The following TBX3 variants were observed in gnomAD, a reference collection of about 807,000 sequenced individuals.
The protein encoded by TBX3 is T-box transcription factor TBX3.
In TBX3, 11 loss-of-function variants were observed where a neutral mutation model predicts 47.8. The ratio of observed to expected loss-of-function variants is 0.23; its 90% CI spans 0.14 to 0.38. TBX3 has a LOEUF of 0.38. Among genes scored for constraint, TBX3 ranks in the 10% least tolerant of loss-of-function variants. The pLI is 1.00. For missense variants in TBX3, 927 were observed against 1,022.8 expected (o/e 0.91, Z 1.28); for synonymous variants, 500 against 449.3 (o/e 1.11, Z -1.43).
rs1370487115 is a variant in TBX3 at position 114,674,349 on chromosome 12, C to G, written c.1526G>C (p.Gly509Ala). Residue 509 changes from glycine to alanine, a missense_variant, in exon 6 of 7, where the codon GGC becomes GCC. By Grantham distance (60) the Gly-to-Ala change is moderately conservative. Transcript: ENST00000349155. ...FLHPSQFAMGGAFSSMAAAGM... is the reference protein window; with the variant it reads ...FLHPSQFAMGAAFSSMAAAGM... The stretch of plus-strand genomic sequence containing the variant: ...AGCGGCCGCCATGCTGGAGAAGGCG[C>G]CCCCCATGGCAAACTGGCTGGGGTG... 2 of 1,557,656 alleles carry G rather than the reference C, an allele frequency of 1.3e-6. No individual in the cohort carries two copies. Among genetic ancestry groups the G allele is most frequent in the East Asian group, 2.4e-5 (1 of 41,454 alleles).
At chr12:114,676,534 TA>T in intron 4 of TBX3, 64 bp from the exon 5 acceptor site, 1 of 1,604,488 alleles carries the variant, frequency 6.2e-7, no homozygotes, top group Non-Finnish European at 8.5e-7. Context: ...TTGTTTCCCT[TA>T]CCCTTTCCAA....
At position 114,684,014 on chromosome 12, in the gene TBX3, G is replaced by T. The variant is rs780135992; in HGVS notation, c.-814C>A. ...GCTTCCTAAATCTGTGTCCAGGCGC[G>T]CAGGGCAGGGAGGATTTAGAGGGGG... On this transcript the variant is annotated 5_prime_UTR_variant, in exon 1 of 7. Coordinates refer to ENST00000349155, the MANE Select transcript of TBX3 (RefSeq NM_005996.4). The T allele has an allele frequency of 4.3e-6, 1 of 230,446 alleles. No individual in the cohort carries two copies. 14.3% of individuals were successfully genotyped at this position (230,446 alleles called of 1,614,324 possible). A position where few individuals can be genotyped will look rare whatever the true frequency, so the allele number is the denominator to read the frequency against.
Position 114,671,885 on chromosome 12 carries a change from C to A in TBX3, c.2128G>T (p.Gly710Cys). Reference protein sequence around the residue: ...ELQSIQRLVSGLEAKPDRSRS... With the variant: ...ELQSIQRLVSCLEAKPDRSRS... ...GACCTGTCCGGCTTGGCTTCCAAGC[C>A]GCTAACCAACCGCTGGATGCTCTGC... is the stretch of plus-strand genomic sequence containing the variant. The change falls in exon 7 of 7, where the codon GGC becomes TGC. Residue 710 changes from glycine to cysteine, a missense_variant. By Grantham distance (159) the Gly-to-Cys change is radical. This residue lies in a region of TBX3 where 623 missense variants were observed against 569.0 expected (regional missense o/e 1.09). Coordinates refer to ENST00000349155, the MANE Select transcript of TBX3 (RefSeq NM_005996.4). The A allele has an allele frequency of 6.4e-7, 1 of 1,571,408 alleles. No homozygotes were observed. The highest frequency in any genetic ancestry group is 8.6e-7 in the Non-Finnish European group (1 of 1,158,778).
intron 1 of TBX3, among the ~76,000 whole-genome samples, chr12:114,681,745 G>A (rs1443569887): frequency 3.3e-5 from 5 of 152,170 alleles, no homozygotes; most frequent in African/African-American, 9.7e-5. Flanking sequence ...CGATCTGCCC[G>A]TGGAGCTGCT....
At chr12:114,674,084 G>T (rs973625347) in intron 6 of TBX3, 81 bp downstream of exon 6, 2 of 1,521,266 alleles carry the variant, frequency 1.3e-6, no homozygotes, top group South Asian at 2.4e-5. Flanking sequence ...CAAAGGGATC[G>T]GGTGAGGGTC....
chr12:114,672,010 G>A lies in TBX3; in HGVS notation c.2003C>T (p.Ser668Leu), dbSNP rs1868456528. Reference protein sequence around the residue: ...AASPASVAVDSGSELNSRSST... With the variant: ...AASPASVAVDLGSELNSRSST... ...GGAGCGGCTGTTGAGTTCAGAGCCC[G>A]AGTCCACTGCCACCGAGGCCGGGCT... is the stretch of plus-strand genomic sequence containing the variant. The change falls in exon 7 of 7, where the codon TCG (serine) becomes TTG (leucine). Residue 668 changes from serine to leucine, a missense_variant. Around this residue, in one of 5 missense-constraint regions of TBX3, gnomAD observed 623 missense variants for 569.0 expected, o/e 1.09. Transcript: ENST00000349155. 2 of 1,597,060 alleles carry A rather than the reference G, an allele frequency of 1.3e-6. No individual in the cohort carries two copies. The highest frequency in any genetic ancestry group is 1.7e-6 in the Non-Finnish European group (2 of 1,172,188).
chr12:114,683,252 G>A lies in TBX3; in HGVS notation c.-52C>T. 6.3e-7 allele frequency: 1 copy of A among 1,593,212 alleles called. No homozygotes were observed. The highest frequency in any genetic ancestry group is 8.6e-7 in the Non-Finnish European group (1 of 1,167,432). On this transcript the variant is annotated 5_prime_UTR_variant, in exon 1 of 7. Transcript: ENST00000349155. This position sits in a 1 kb window ranked among gnomAD's most constrained non-coding sequence, Gnocchi z 7.7. ...AGCCGGGGACAAGTCCGCAGCTGCTGTGTTTTGTTGTTTTTTTGTTGTTGT... is the reference window on the plus strand; with the variant it reads ...AGCCGGGGACAAGTCCGCAGCTGCTATGTTTTGTTGTTTTTTTGTTGTTGT...
intron 3 of TBX3, among the ~76,000 whole-genome samples, chr12:114,677,903 T>TA (rs1265906811): frequency 6.6e-6 from 1 of 152,112 alleles, no homozygotes; most frequent in Admixed American, 6.6e-5. Flanking sequence ...ACAGTTTGGG[T>TA]TTAGACATGG....
intron 2 of TBX3, chr12:114,679,916 A>G: frequency 1.2e-6 from 2 of 1,614,124 alleles, no homozygotes; most frequent in Non-Finnish European, 1.7e-6. Flanking sequence ...AGCCTACCTG[A>G]GTACCAAAAC....
chr12:114,683,109 C>G lies in TBX3; in HGVS notation c.92G>C (p.Ser31Thr), dbSNP rs760649529. 2 of 1,612,502 alleles carry G rather than the reference C, an allele frequency of 1.2e-6. No individual in the cohort carries two copies. The highest frequency in any genetic ancestry group is 1.7e-6 in the Non-Finnish European group (2 of 1,179,524). The change falls in exon 1 of 7, where the codon AGC becomes ACC. Residue 31 changes from serine (S) to threonine (T), a missense_variant. Ser to Thr is a moderately conservative substitution (Grantham distance 58). Transcript: ENST00000349155. This position sits in a 1 kb window ranked among gnomAD's most constrained non-coding sequence, Gnocchi z 7.7. Reference sequence around the variant, plus strand: ...CGGCGGCTGGTGACCCAGCACCGCGCTCATGGCGAAGTCCGGCGCCCGGTG... The same window carrying G: ...CGGCGGCTGGTGACCCAGCACCGCGGTCATGGCGAAGTCCGGCGCCCGGTG... ...LPHRAPDFAM[S>T]AVLGHQPPFF...
At chr12:114,677,342 T>C (rs764676535) in intron 4 of TBX3, among the ~76,000 whole-genome samples, 3 of 152,228 alleles carry the variant, frequency 2.0e-5, no homozygotes, top group Non-Finnish European at 2.9e-5. Flanking sequence ...TTATCCCTGA[T>C]GCTTCTCTTC....
At chr12:114,672,836 C>G (rs550437806) in intron 6 of TBX3, among the ~76,000 whole-genome samples, 1 of 151,920 alleles carries the variant, frequency 6.6e-6, no homozygotes, top group Non-Finnish European at 1.5e-5. Flanking sequence ...AGAAGTTTCT[C>G]CAAACAAAAC....
In TBX3 at chr12:114,672,357, C is replaced by G. The variant is rs1868485742; in HGVS notation, c.1711-55G>C. 7.2e-6 allele frequency: 10 copies of G among 1,396,468 alleles called. No individual in the cohort carries two copies. In the South Asian group the frequency reaches 1.2e-4, roughly 16 times the overall value. 86.5% of individuals were successfully genotyped at this position (1,396,468 alleles called of 1,614,324 possible). The stretch of plus-strand genomic sequence containing the variant: ...TCAGCCGGGTGGGAGGAGCTTATCT[C>G]ATCCCTCTCCTCTCTTCTCCCCCTC... On this transcript the variant is annotated intron_variant, in intron 6 of 6. Transcript: ENST00000349155.
chr12:114,683,319 CAAAA>C lies in TBX3; in HGVS notation c.-123_-120del, dbSNP rs1433234136. ...ATTCAAAAGGGGGGAAAAAGCAAAACAAAAAAGAAAGAAAAAAGAAAAGGAGGCA... is the reference window on the plus strand; with the variant it reads ...ATTCAAAAGGGGGGAAAAAGCAAAACAAGAAAGAAAAAAGAAAAGGAGGCA... On this transcript the variant is annotated 5_prime_UTR_variant, in exon 1 of 7. Transcript: ENST00000349155. The surrounding 1 kb of genome is among the most constrained non-coding windows in gnomAD (Gnocchi z 7.7). The C allele has an allele frequency of 7.3e-6, 10 of 1,365,284 alleles. No individual in the cohort carries two copies. The highest frequency in any genetic ancestry group is 1.5e-5 in the African/African-American group (1 of 68,128). 84.6% of individuals were successfully genotyped at this position (1,365,284 alleles called of 1,614,324 possible). A position where few individuals can be genotyped will look rare whatever the true frequency, so the allele number is the denominator to read the frequency against.
At chr12:114,674,856 A>C (rs1341861249) in intron 5 of TBX3, 21 bp from the exon 6 acceptor site, 8 of 1,556,372 alleles carry the variant, frequency 5.1e-6, no homozygotes, top group Non-Finnish European at 6.9e-6. Flanking sequence ...CGAAGGAAAA[A>C]ACCAAGGCAG....
chr12:114,674,084 G>C, intron 6 of TBX3, 81 bp downstream of exon 6: 14 of 1,521,268 alleles, frequency 9.2e-6, no homozygotes, highest in Admixed American at 2.0e-5. Flanking sequence ...CAAAGGGATC[G>C]GGTGAGGGTC....
Position 114,671,969 on chromosome 12 carries a change from T to C in TBX3, c.2044A>G (p.Ser682Gly). The change falls in exon 7 of 7, where the codon AGC becomes GGC. Residue 682 changes from serine to glycine, a missense_variant. Physicochemically the swap from Ser to Gly is moderately conservative, Grantham distance 56 (BLOSUM62 0). Coordinates refer to ENST00000349155, the MANE Select transcript of TBX3 (RefSeq NM_005996.4). ...LNSRSSTLSS[S>G]SMSLSPKLCA... ...AGTTTGGGCGACAAGGACATGGAGC[T>C]GGAGGAGAGCGTGGAGGAGCGGCTG... The C allele has an allele frequency of 6.2e-7, 1 of 1,601,196 alleles. No homozygotes were observed. Among genetic ancestry groups the C allele is most frequent in the Non-Finnish European group, 8.5e-7 (1 of 1,174,002 alleles).
Position 114,674,164 on chromosome 12 carries a change from C to G in TBX3, c.1710+1G>C. On this transcript the variant is annotated splice_donor_variant, in intron 6 of 6. Coordinates refer to ENST00000349155, the MANE Select transcript of TBX3 (RefSeq NM_005996.4). LOFTEE classifies it high-confidence loss of function. Reference sequence around the variant, plus strand: ...GTGGAGGCAGGAAGAAGGATCCATACCTGAGAGGCCAGGACGTGCTGCTGG... The same window carrying G: ...GTGGAGGCAGGAAGAAGGATCCATAGCTGAGAGGCCAGGACGTGCTGCTGG... 6.3e-7 allele frequency: 1 copy of G among 1,581,452 alleles called. No homozygotes were observed.
chr12:114,679,806 C>G (rs77158149), intron 2 of TBX3, 155 bp from the exon 3 acceptor site: 2 of 1,537,282 alleles, frequency 1.3e-6, no homozygotes, highest in East Asian at 2.3e-5. Flanking sequence ...GTACGTTTCG[C>G]TCCACAGATG....
Sources: gnomAD v4.1 joint callset for allele counts (sites outside exome capture counted in the v4.1 genomes callset) on GRCh38, gnomAD v4.1.1 for gene constraint, gnomAD v4.1.1 regional missense constraint, Gnocchi (gnomAD v3.1) non-coding constraint, MANE v1.5 for transcripts, NCBI Gene and HGNC (gene_info 2026-07-23, HGNC 2026-07-21) for gene names.